PIEZO2: variants seen among roughly 807,000 people sequenced by gnomAD.
The protein encoded by PIEZO2 is piezo type mechanosensitive ion channel component 2, also known as piezo-type mechanosensitive ion channel component 2.
Under a neutral mutation model 337.3 loss-of-function variants are expected in PIEZO2, and 172 were observed. The observed-to-expected ratio is 0.51, with a 90% CI of 0.45 to 0.58. The LOEUF (loss-of-function observed/expected upper bound fraction) is 0.58, where lower values mean the gene tolerates loss of function less well. Among genes scored for constraint, PIEZO2 ranks in the 20% least tolerant of loss-of-function variants. The probability of loss-of-function intolerance (pLI) is 0.00; values close to 1 mark genes in which losing one functional copy is unlikely to be tolerated. For missense variants in PIEZO2, 3,028 were observed against 3,391.3 expected (o/e 0.89, Z 2.66); for synonymous variants, 1,251 against 1,228.5 (o/e 1.02, Z -0.38).
At chr18:10,685,462 A>G (rs1320920312) in intron 49 of PIEZO2, among the ~76,000 whole-genome samples, 1 of 152,180 alleles carries the variant, frequency 6.6e-6, no homozygotes, top group African/African-American at 2.4e-5. Context: ...TTATTTCTTT[A>G]AAATAAAAAG....
In PIEZO2 at chr18:10,834,964, GC is replaced by G. The variant is rs2040961454; in HGVS notation, c.917+20388del. Among the ~76,000 whole-genome samples the G allele has an allele frequency of 6.6e-6, 1 of 152,176 alleles. No homozygotes were observed. Among genetic ancestry groups the G allele is most frequent in the African/African-American group, 2.4e-5 (1 of 41,442 alleles). On this transcript the variant is annotated intron_variant, in intron 7 of 55. Transcript: ENST00000674853. The surrounding 1 kb of genome is among the most constrained non-coding windows in gnomAD (Gnocchi z 4.5). ...CCATGTGAAGGTATTAAGAAGTCGG[GC>G]CTTTGAGGGGCGATTAGGTCACAAG...
In PIEZO2 at chr18:11,110,637, A is replaced by G. The variant is rs771316949; in HGVS notation, c.64+37888T>C. Among the ~76,000 whole-genome samples, 6 of 152,172 alleles carry G rather than the reference A, an allele frequency of 3.9e-5. No homozygotes were observed. The highest frequency in any genetic ancestry group is 8.8e-5 in the Non-Finnish European group (6 of 68,016). ...GCAGGTGGAGCCGGTGAGCAGCCCCAGGCCAGGCTAGCAAGTCAGTGGCCT... is the reference window on the plus strand; with the variant it reads ...GCAGGTGGAGCCGGTGAGCAGCCCCGGGCCAGGCTAGCAAGTCAGTGGCCT... On this transcript the variant is annotated intron_variant, in intron 1 of 55. Coordinates refer to ENST00000674853, the MANE Select transcript of PIEZO2 (RefSeq NM_001378183.1). This position sits in a 1 kb window ranked among gnomAD's most constrained non-coding sequence, Gnocchi z 4.2.
At chr18:11,024,443 G>A (rs1459624309) in intron 2 of PIEZO2, among the ~76,000 whole-genome samples, 1 of 150,678 alleles carries the variant, frequency 6.6e-6, no homozygotes, top group East Asian at 2.0e-4. Context: ...CTACTCAGGA[G>A]GCTGAGGCAG....
At chr18:10,760,809 G>A in intron 24 of PIEZO2, 102 bp downstream of exon 24, 1 of 898,378 alleles carries the variant, frequency 1.1e-6, no homozygotes, top group South Asian at 1.7e-5. Flanking sequence ...CAGCTATCAT[G>A]CCTGCAGATG....
At chr18:10,793,327 A>G (rs576267641) in intron 13 of PIEZO2, among the ~76,000 whole-genome samples, 1 of 152,168 alleles carries the variant, frequency 6.6e-6, no homozygotes, top group African/African-American at 2.4e-5. Flanking sequence ...ATGTATTACT[A>G]TCTTCTATGA....
intron 7 of PIEZO2, among the ~76,000 whole-genome samples, chr18:10,838,267 G>A (rs1204971141): frequency 6.6e-6 from 1 of 152,096 alleles, no homozygotes; most frequent in African/African-American, 2.4e-5. Context: ...CACAGCCAAT[G>A]TTTAACCATC....
At chr18:11,098,652 A>G (rs1235195270) in intron 1 of PIEZO2, among the ~76,000 whole-genome samples, 1 of 151,726 alleles carries the variant, frequency 6.6e-6, no homozygotes, top group Non-Finnish European at 1.5e-5. Context: ...CCATGAAGGC[A>G]TTCATATTGT....
In PIEZO2 at chr18:10,953,351, A is replaced by AT. The variant is rs2033379647; in HGVS notation, c.286+26183dup. ...CAAGATTACAAACATTTTCTCCTAT[A>AT]TTTTTTGCAAGAGTTTTATGGTTTC... is the stretch of plus-strand genomic sequence containing the variant. On this transcript the variant is annotated intron_variant, in intron 3 of 55. Transcript: ENST00000674853. The surrounding 1 kb of genome is among the most constrained non-coding windows in gnomAD (Gnocchi z 5.2). 6.6e-6 allele frequency among the ~76,000 whole-genome samples: 1 copy of AT among 151,922 alleles called. No homozygotes were observed.
At chr18:11,095,780 A>G (rs910403016) in intron 1 of PIEZO2, among the ~76,000 whole-genome samples, 15 of 152,186 alleles carry the variant, frequency 9.9e-5, no homozygotes, top group Non-Finnish European at 1.5e-5. Context: ...GCTTTTGTCT[A>G]AATAGCCCTG....
At chr18:10,754,874 C>A (rs1408036469) in intron 27 of PIEZO2, among the ~76,000 whole-genome samples, 1 of 152,198 alleles carries the variant, frequency 6.6e-6, no homozygotes, top group African/African-American at 2.4e-5. Context: ...CCCAGTTCTG[C>A]TGTTGCCTAT....
intron 22 of PIEZO2, 89 bp from the exon 23 acceptor site, chr18:10,762,714 A>G (rs2038188366): frequency 3.4e-6 from 5 of 1,449,502 alleles, no homozygotes; most frequent in South Asian, 1.3e-5. Flanking sequence ...GAGCAAAATG[A>G]TAGTGGTAGG....
rs533568701 is a variant in PIEZO2, at chr18:10,931,260, C to T, written c.287-20032G>A. Among the ~76,000 whole-genome samples the T allele has an allele frequency of 3.3e-5, 5 of 152,232 alleles. No individual in the cohort carries two copies. The South Asian group carries it at 6.2e-4, about 19-fold the overall frequency. On this transcript the variant is annotated intron_variant, in intron 3 of 55. Coordinates refer to ENST00000674853, the MANE Select transcript of PIEZO2 (RefSeq NM_001378183.1). ...TGTCGCCCAGGCTGGAGTGCAGTGG[C>T]GCCATCTCTGCCCACTGTAAGCTCC...
In PIEZO2 at chr18:10,684,426, A is replaced by G. The variant is rs1292339489; in HGVS notation, c.7498-2134T>C. Among the ~76,000 whole-genome samples the G allele has an allele frequency of 5.5e-5, 8 of 145,680 alleles. 1 individual carries two copies. The South Asian group carries it at 8.6e-4, about 16-fold the overall frequency. On this transcript the variant is annotated intron_variant, in intron 49 of 55. Transcript: ENST00000674853. ...GTGATCTGCCCGCCTCGGCCTCCCA[A>G]AGTGCTGGGATTACAAGCGTGAACC...
chr18:10,917,288 T>C (rs188126837), intron 3 of PIEZO2, among the ~76,000 whole-genome samples: 16 of 152,316 alleles, frequency 1.1e-4, no homozygotes, highest in South Asian at 2.1e-4. Flanking sequence ...GCTCTGCCTC[T>C]GGTCATCTTT....
chr18:10,732,874 T>A (rs1178911402), intron 35 of PIEZO2, among the ~76,000 whole-genome samples: 1 of 152,194 alleles, frequency 6.6e-6, no homozygotes, highest in Admixed American at 6.5e-5. Context: ...AATAATCTGA[T>A]TACTGAACAT....
Position 10,759,967 on chromosome 18 carries a change from G to A in PIEZO2, c.3451-58C>T, listed in dbSNP as rs2038058195. On this transcript the variant is annotated intron_variant, in intron 24 of 55. Coordinates refer to ENST00000674853, the MANE Select transcript of PIEZO2 (RefSeq NM_001378183.1). This position sits in a 1 kb window ranked among gnomAD's most constrained non-coding sequence, Gnocchi z 5.5. ...AATCAGGCATATGGGAAAGGGGACT[G>A]GTGATAGGTGTCAGGTCTGTGTAGA... The A allele has an allele frequency of 7.0e-7, 1 of 1,424,546 alleles. No individual in the cohort carries two copies. Among genetic ancestry groups the A allele is most frequent in the East Asian group, 2.5e-5 (1 of 40,138 alleles). 88.2% of individuals were successfully genotyped at this position (1,424,546 alleles called of 1,614,324 possible). A position where few individuals can be genotyped will look rare whatever the true frequency, so the allele number is the denominator to read the frequency against.
intron 2 of PIEZO2, among the ~76,000 whole-genome samples, chr18:10,990,875 CT>C (rs2035063639): frequency 6.6e-6 from 1 of 151,230 alleles, no homozygotes; most frequent in African/African-American, 2.4e-5. Context: ...GTGAATAATT[CT>C]TTTTATGCTT....
At position 10,795,351 on chromosome 18, in the gene PIEZO2, A is replaced by ATTTTATTTTATTATT. The variant is rs1555648418; in HGVS notation, c.1528-350_1528-349insAATAATAAAATAAAA. Among the ~76,000 whole-genome samples the ATTTTATTTTATTATT allele has an allele frequency of 1.9e-3, 39 of 20,474 alleles. No individual in the cohort carries two copies. Among genetic ancestry groups the ATTTTATTTTATTATT allele is most frequent in the East Asian group, 8.1e-3 (1 of 124 alleles). 13.4% of individuals were successfully genotyped at this position (20,474 alleles called of 152,430 possible). On this transcript the variant is annotated intron_variant, in intron 12 of 55. Coordinates refer to ENST00000674853, the MANE Select transcript of PIEZO2 (RefSeq NM_001378183.1). The surrounding 1 kb of genome is among the most constrained non-coding windows in gnomAD (Gnocchi z 4.4). ...ATTTTATTTTATTTTATTTTATTTT[A>ATTTTATTTTATTATT]TTATTTTATTTTATTTTATTTTATT...
At position 11,143,639 on chromosome 18, in the gene PIEZO2, A is replaced by ACACT. The variant is rs1473731967; in HGVS notation, c.64+4885_64+4886insAGTG. On this transcript the variant is annotated intron_variant, in intron 1 of 55. Transcript: ENST00000674853. The surrounding 1 kb of genome is among the most constrained non-coding windows in gnomAD (Gnocchi z 4.9). ...CACACACACACACACACACACACAC[A>ACACT]CTCTCTCTCTCTCTCTCTCTCTCTC... Among the ~76,000 whole-genome samples, 1,057 of 92,792 alleles carry ACACT rather than the reference A, an allele frequency of 0.011. 5 individuals carry two copies. Among genetic ancestry groups the ACACT allele is most frequent in the Non-Finnish European group, 0.015 (756 of 51,216 alleles). The allele number at this position is 92,792 out of a possible 152,430, so 60.9% of individuals were successfully genotyped here. A position where few individuals can be genotyped will look rare whatever the true frequency, so the allele number is the denominator to read the frequency against.
Sources: allele counts gnomAD v4.1 joint callset (sites outside exome capture counted in the v4.1 genomes callset), GRCh38; gene constraint gnomAD v4.1.1; non-coding constraint Gnocchi (gnomAD v3.1); transcripts MANE v1.5; gene names NCBI Gene and HGNC (gene_info 2026-07-23, HGNC 2026-07-21).